SDHC: variants seen among roughly 807,000 people sequenced by gnomAD.
The protein encoded by SDHC is succinate dehydrogenase cytochrome b560 subunit, mitochondrial.
A neutral mutation model predicts 22.6 loss-of-function variants in SDHC; 11 were observed. That is an observed-to-expected ratio of 0.49 (90% CI 0.31 to 0.81). The LOEUF (loss-of-function observed/expected upper bound fraction) is 0.81. SDHC is among the 30% of genes least tolerant of loss of function. The pLI, the probability that SDHC is intolerant of heterozygous loss-of-function variation, is 0.05. For synonymous variants in SDHC, 80 were observed against 77.8 expected (o/e 1.03, Z -0.15); for missense variants, 160 against 212.0 (o/e 0.75, Z 1.52).
intron 4 of SDHC, among the ~76,000 whole-genome samples, chr1:161,352,997 G>GA (rs1672144565): frequency 6.6e-6 from 1 of 152,040 alleles, no homozygotes. Flanking sequence ...AAAGAAAAAA[G>GA]AAAAAATTGG....
chr1:161,333,357 C>T (rs947749590), intron 3 of SDHC, among the ~76,000 whole-genome samples: 4 of 151,212 alleles, frequency 2.6e-5, no homozygotes, highest in Non-Finnish European at 5.9e-5. Context: ...TGGGTATATA[C>T]CTAGGAGTAG....
chr1:161,339,521 C>G (rs187090765), intron 3 of SDHC: 2 of 1,174,766 alleles, frequency 1.7e-6, no homozygotes, highest in Admixed American at 2.6e-5. Flanking sequence ...TTTCTCCTTG[C>G]GAAAGGAGTT....
intron 1 of SDHC, among the ~76,000 whole-genome samples, chr1:161,316,318 C>T (rs957275602): frequency 2.0e-5 from 3 of 152,246 alleles, no homozygotes; most frequent in African/African-American, 4.8e-5. Context: ...TTGGACAATA[C>T]CTGGCTTTCC....
chr1:161,342,053 T>C (rs1428041060), intron 4 of SDHC, among the ~76,000 whole-genome samples: 1 of 152,234 alleles, frequency 6.6e-6, no homozygotes, highest in African/African-American at 2.4e-5. Flanking sequence ...GTATCTTATT[T>C]TGGTCCCCTG....
intron 1 of SDHC, among the ~76,000 whole-genome samples, chr1:161,320,091 T>C (rs1670786939): frequency 2.0e-5 from 3 of 152,184 alleles, no homozygotes; most frequent in Admixed American, 1.3e-4. Context: ...TGTAAGAGAT[T>C]GGTGCGAGGG....
At chr1:161,350,261 A>G (rs751497495) in intron 4 of SDHC, among the ~76,000 whole-genome samples, 3 of 152,124 alleles carry the variant, frequency 2.0e-5, no homozygotes, top group Non-Finnish European at 4.4e-5. Flanking sequence ...AGTGTTGCCC[A>G]GGCTGGTCTC....
At chr1:161,315,136 A>T (rs950177709) in intron 1 of SDHC, among the ~76,000 whole-genome samples, 2 of 152,222 alleles carry the variant, frequency 1.3e-5, no homozygotes, top group African/African-American at 4.8e-5. Context: ...TTCTCTGCTC[A>T]GCCTCTCTAG....
chr1:161,328,374 A>G (rs1033455827), intron 2 of SDHC, 22 bp from the exon 3 acceptor site: 1 of 1,557,778 alleles, frequency 6.4e-7, no homozygotes, highest in African/African-American at 1.4e-5. Flanking sequence ...AGTTATTTTC[A>G]AACGGTCTGG....
At chr1:161,328,114 C>T (rs1463104815) in intron 2 of SDHC, among the ~76,000 whole-genome samples, 2 of 151,720 alleles carry the variant, frequency 1.3e-5, no homozygotes, top group African/African-American at 2.4e-5. Context: ...AGTGATTCTA[C>T]TGCCTCAGTC....
At chr1:161,317,707 G>A (rs1670678579) in intron 1 of SDHC, among the ~76,000 whole-genome samples, 2 of 150,926 alleles carry the variant, frequency 1.3e-5, no homozygotes, top group South Asian at 2.1e-4. Context: ...GACTACAGGC[G>A]TGTGCCACCA....
At chr1:161,337,490 G>T (rs1671539239) in intron 3 of SDHC, among the ~76,000 whole-genome samples, 2 of 152,172 alleles carry the variant, frequency 1.3e-5, no homozygotes, top group Admixed American at 1.3e-4. Context: ...TCTACCTTTT[G>T]AGGCCGTCGG....
At chr1:161,333,578 A>G (rs933555478) in intron 3 of SDHC, among the ~76,000 whole-genome samples, 4 of 151,806 alleles carry the variant, frequency 2.6e-5, no homozygotes, top group Non-Finnish European at 5.9e-5. Flanking sequence ...TAATTTTTCT[A>G]TTTTTAATAG....
chr1:161,336,313 G>C (rs984150060), intron 3 of SDHC, among the ~76,000 whole-genome samples: 18 of 152,074 alleles, frequency 1.2e-4, no homozygotes, highest in African/African-American at 3.9e-4. Flanking sequence ...AAATTAGCTG[G>C]CCGTGGTGGC....
chr1:161,339,665 T>TTTTTTTTTTTTTTTTTTTTG (rs1671642643), intron 3 of SDHC: 3 of 137,294 alleles, frequency 2.2e-5, no homozygotes, highest in African/African-American at 2.0e-4. Flanking sequence ...TACAGGTGTT[T>TTTTTTTTTTTTTTTTTTTTG]TTTTTTTTTT....
intron 1 of SDHC, among the ~76,000 whole-genome samples, chr1:161,316,392 T>C (rs940091250): frequency 5.3e-5 from 8 of 152,080 alleles, no homozygotes; most frequent in African/African-American, 4.8e-5. Context: ...GATTAGGGAG[T>C]GGTGACGACT....
intron 3 of SDHC, among the ~76,000 whole-genome samples, chr1:161,338,087 G>A (rs936706848): frequency 1.3e-5 from 2 of 152,094 alleles, no homozygotes; most frequent in African/African-American, 4.8e-5. Context: ...TCTGGGTTTC[G>A]GTCTCCTGAT....
chr1:161,339,659 G>T, intron 3 of SDHC: 1 of 119,926 alleles, frequency 8.3e-6, no homozygotes, highest in Non-Finnish European at 1.6e-5. Context: ...TCCTGATACA[G>T]GTGTTTTTTT....
intron 5 of SDHC, among the ~76,000 whole-genome samples, chr1:161,362,061 A>T (rs556791539): frequency 1.3e-5 from 2 of 152,128 alleles, no homozygotes; most frequent in African/African-American, 2.4e-5. Flanking sequence ...TGTATACCGT[A>T]TGGGGCCTGT....
At chr1:161,325,964 C>T (rs1219135273) in intron 2 of SDHC, among the ~76,000 whole-genome samples, 2 of 152,100 alleles carry the variant, frequency 1.3e-5, no homozygotes, top group Non-Finnish European at 2.9e-5. Flanking sequence ...CTTTGGGAGG[C>T]CGAGGCAGGC....
Sources: gnomAD v4.1 joint callset for allele counts (sites outside exome capture counted in the v4.1 genomes callset) on GRCh38, gnomAD v4.1.1 for gene constraint, MANE v1.5 for transcripts, NCBI Gene and HGNC (gene_info 2026-07-23, HGNC 2026-07-21) for gene names.